The following CRADD variants were observed in gnomAD, a reference collection of about 807,000 sequenced individuals.
CRADD encodes CARD and death domain containing adaptor protein, also known as death domain-containing protein CRADD.
CRADD carries 9 observed loss-of-function variants against 15.5 expected under a neutral mutation model. The observed-to-expected ratio is 0.58, with a 90% CI of 0.35 to 1.01. The LOEUF (loss-of-function observed/expected upper bound fraction) is 1.01. Among genes scored for constraint, CRADD ranks in the 50% least tolerant of loss-of-function variants. The pLI is 0.02. For synonymous variants in CRADD, 118 were observed against 107.6 expected (o/e 1.10, Z -0.60); for missense variants, 227 against 250.3 (o/e 0.91, Z 0.63).
intron 2 of CRADD, among the ~76,000 whole-genome samples, chr12:93,829,689 T>TTTGTTG (rs3029435): frequency 4.0e-5 from 6 of 151,486 alleles, no homozygotes; most frequent in South Asian, 2.1e-4. Flanking sequence ...GTTTTGGTTT[T>TTTGTTG]TTGTTGTTGT....
chr12:93,787,556 TTTCAAG>T (rs1329473701), intron 2 of CRADD, among the ~76,000 whole-genome samples: 2 of 152,108 alleles, frequency 1.3e-5, no homozygotes, highest in African/African-American at 4.8e-5. Context: ...AATGTTGTTT[TTTCAAG>T]TTCAGGGATA....
chr12:93,723,986 G>A (rs1956309113), intron 2 of CRADD, among the ~76,000 whole-genome samples: 1 of 152,126 alleles, frequency 6.6e-6, no homozygotes, highest in Non-Finnish European at 1.5e-5. Flanking sequence ...CTTCTCCTGA[G>A]GACAGGCCTT....
At chr12:93,770,344 G>A (rs1439879455) in intron 2 of CRADD, among the ~76,000 whole-genome samples, 1 of 151,936 alleles carries the variant, frequency 6.6e-6, no homozygotes, top group African/African-American at 2.4e-5. Context: ...TGATCCGCCC[G>A]CCTCGGCCTC....
intron 2 of CRADD, among the ~76,000 whole-genome samples, chr12:93,893,266 G>C (rs1958589338): frequency 6.6e-6 from 1 of 152,254 alleles, no homozygotes; most frequent in East Asian, 1.9e-4. Flanking sequence ...GGCTGTGGTG[G>C]TTCCTTACCA....
At chr12:93,787,941 T>G (rs1294204636) in intron 2 of CRADD, among the ~76,000 whole-genome samples, 1 of 152,078 alleles carries the variant, frequency 6.6e-6, no homozygotes, top group Non-Finnish European at 1.5e-5. Context: ...AACTTGAGAG[T>G]AATTAATAGT....
Position 93,719,283 on chromosome 12 carries a change from A to G in CRADD, c.298+40211A>G, listed in dbSNP as rs756086956. Among the ~76,000 whole-genome samples the G allele has an allele frequency of 7.0e-4, 106 of 152,236 alleles. 1 individual carries two copies. The highest frequency in any genetic ancestry group is 4.4e-4 in the Non-Finnish European group (30 of 68,038). On this transcript the variant is annotated intron_variant, in intron 2 of 2. Coordinates refer to ENST00000332896, the MANE Select transcript of CRADD (RefSeq NM_003805.5). ...ATTTTGTATGTTGAACCAGCCTTGC[A>G]TAATTGGGATAAATCCCACTTGGTC...
At chr12:93,704,325 A>G (rs1431212303) in intron 2 of CRADD, among the ~76,000 whole-genome samples, 11 of 152,210 alleles carry the variant, frequency 7.2e-5, no homozygotes, top group Admixed American at 7.2e-4. Flanking sequence ...CATCTCTGAA[A>G]TGAGTGAGCT....
At chr12:93,860,217 G>GT (rs1958308830) in intron 2 of CRADD, among the ~76,000 whole-genome samples, 1 of 152,012 alleles carries the variant, frequency 6.6e-6, no homozygotes, top group South Asian at 2.1e-4. Flanking sequence ...TCAATAAGAG[G>GT]TACTTAAGCT....
At chr12:93,774,512 C>T (rs1957121172) in intron 2 of CRADD, among the ~76,000 whole-genome samples, 1 of 152,164 alleles carries the variant, frequency 6.6e-6, no homozygotes. Flanking sequence ...TCATTGTTTT[C>T]TGCCATAGGG....
In CRADD at chr12:93,772,301, A is replaced by G. The variant is rs373542842; in HGVS notation, c.299-77669A>G. ...TTTTGATCTGTGATGAGGGCACTAC[A>G]TTAAAAGAGTATTGAAGTTGGAAAT... On this transcript the variant is annotated intron_variant, in intron 2 of 2. Transcript: ENST00000332896. 4.1e-4 allele frequency among the ~76,000 whole-genome samples: 63 copies of G among 152,358 alleles called. No individual in the cohort carries two copies. The South Asian group carries it at 0.01, about 25-fold the overall frequency.
chr12:93,840,724 G>A (rs981914871), intron 2 of CRADD, among the ~76,000 whole-genome samples: 9 of 151,974 alleles, frequency 5.9e-5, no homozygotes, highest in Non-Finnish European at 1.3e-4. Context: ...GTGCCACCAC[G>A]CCTGGCTAAT....
intron 2 of CRADD, chr12:93,838,063 C>T (rs1157408924): frequency 1.3e-5 from 2 of 152,204 alleles, no homozygotes; most frequent in East Asian, 3.9e-4. Flanking sequence ...TAACCTTGTT[C>T]TTTGGAGTGG....
intron 2 of CRADD, among the ~76,000 whole-genome samples, chr12:93,695,178 A>C (rs190115633): frequency 1.4e-4 from 22 of 152,370 alleles, no homozygotes; most frequent in African/African-American, 4.8e-4. Context: ...ATTTATGGTC[A>C]GTTGATTTTC....
chr12:93,678,143 CTG>C (rs1370914935), intron 1 of CRADD: 2 of 152,280 alleles, frequency 1.3e-5, no homozygotes, highest in Non-Finnish European at 2.9e-5. Flanking sequence ...GAGTCTGTGA[CTG>C]TATATTGTGT....
intron 2 of CRADD, among the ~76,000 whole-genome samples, chr12:93,882,345 C>T (rs563209659): frequency 5.3e-4 from 77 of 146,480 alleles, no homozygotes; most frequent in African/African-American, 1.6e-3. Flanking sequence ...CGCTTGAACC[C>T]GGGAAACGGA....
chr12:93,683,677 GACA>G (rs1438745974), intron 2 of CRADD, among the ~76,000 whole-genome samples: 8 of 152,218 alleles, frequency 5.3e-5, no homozygotes, highest in African/African-American at 1.7e-4. Flanking sequence ...AGCCTTGAGT[GACA>G]ACACAGAACC....
intron 2 of CRADD, among the ~76,000 whole-genome samples, chr12:93,887,670 GC>G (rs1258351445): frequency 1.3e-5 from 2 of 152,218 alleles, no homozygotes; most frequent in Non-Finnish European, 2.9e-5. Flanking sequence ...TCCTAGTAGT[GC>G]CTCTTAATGC....
In CRADD at chr12:93,797,638, A is replaced by C. The variant is rs1208167244; in HGVS notation, c.299-52332A>C. ...TGGTACCTGGTATAACTTTGCCAAA[A>C]GAATTTTAAAACCACCGCAATAGGT... On this transcript the variant is annotated intron_variant, in intron 2 of 2. Transcript: ENST00000332896. Among the ~76,000 whole-genome samples the C allele has an allele frequency of 3.3e-5, 5 of 152,338 alleles. No individual in the cohort carries two copies. The East Asian group carries it at 9.6e-4, about 29-fold the overall frequency.
chr12:93,885,555 G>A (rs993958538), intron 2 of CRADD, among the ~76,000 whole-genome samples: 6 of 152,136 alleles, frequency 3.9e-5, no homozygotes, highest in African/African-American at 1.4e-4. Context: ...GTGAGAGGCA[G>A]GTGAGTGTCA....
Sources: allele counts gnomAD v4.1 joint callset (sites outside exome capture counted in the v4.1 genomes callset), GRCh38; gene constraint gnomAD v4.1.1; transcripts MANE v1.5; gene names NCBI Gene and HGNC (gene_info 2026-07-23, HGNC 2026-07-21).